The following SASH1 variants were observed in gnomAD, a reference collection of about 807,000 sequenced individuals.
SASH1 encodes SAM and SH3 domain containing 1, also known as SAM and SH3 domain-containing protein 1.
A neutral mutation model predicts 125.2 loss-of-function variants in SASH1; 44 were observed. The ratio of observed to expected loss-of-function variants is 0.35; its 90% CI spans 0.28 to 0.45. The LOEUF (loss-of-function observed/expected upper bound fraction) is 0.45. Ranked by LOEUF, SASH1 falls within the 20% of genes least tolerant of loss-of-function variation. SASH1 has a pLI of 1.00. For synonymous variants in SASH1, 639 were observed against 649.1 expected (o/e 0.98, Z 0.24); for missense variants, 1,426 against 1,614.5 (o/e 0.88, Z 2.00).
intron 1 of SASH1, among the ~76,000 whole-genome samples, chr6:148,334,973 C>CAAAAA (rs71004288): frequency 1.4e-4 from 16 of 115,280 alleles, no homozygotes; most frequent in African/African-American, 2.4e-4. Flanking sequence ...GACTCCATCT[C>CAAAAA]AAAAAAAAAA....
intron 1 of SASH1, among the ~76,000 whole-genome samples, chr6:148,316,557 C>T (rs1219677297): frequency 6.6e-6 from 1 of 152,248 alleles, no homozygotes; most frequent in Non-Finnish European, 1.5e-5. Context: ...GCCCAGAATG[C>T]ATCTATGATT....
At chr6:148,497,311 T>G (rs944437875) in intron 8 of SASH1, among the ~76,000 whole-genome samples, 1 of 152,158 alleles carries the variant, frequency 6.6e-6, no homozygotes, top group East Asian at 1.9e-4. Flanking sequence ...CCATTCCCAG[T>G]CTTTTCTCTG....
At chr6:148,446,130 A>G (rs1241047990) in intron 4 of SASH1, among the ~76,000 whole-genome samples, 1 of 68,216 alleles carries the variant, frequency 1.5e-5, no homozygotes, top group African/African-American at 5.3e-5. Flanking sequence ...TTTTTTTGAG[A>G]CGGAGCCTCA....
intron 16 of SASH1, 110 bp from the exon 17 acceptor site, chr6:148,540,333 C>G (rs1302895743): frequency 1.3e-6 from 1 of 750,078 alleles, no homozygotes; most frequent in East Asian, 2.7e-5. Context: ...ATAAATTGTT[C>G]TCTTCCAAAA....
chr6:148,261,754 G>A, the SASH1 span, among the ~76,000 whole-genome samples: 1 of 152,122 alleles, frequency 6.6e-6, no homozygotes, highest in Admixed American at 6.5e-5. Context: ...AGACAACGGG[G>A]TTAGTGCCAT....
intron 4 of SASH1, among the ~76,000 whole-genome samples, chr6:148,446,700 C>T (rs9386227): frequency 0.85 from 129,738 of 152,188 alleles, 55,739 homozygotes; most frequent in African/African-American, 0.96. Context: ...ATAGGTGATG[C>T]TTATTGAGTT....
At chr6:148,446,115 T>TTTTTC in intron 4 of SASH1, among the ~76,000 whole-genome samples, 5 of 33,978 alleles carry the variant, frequency 1.5e-4, no homozygotes, top group African/African-American at 3.0e-4. Context: ...TTTTTTTTTT[T>TTTTTC]TTTTTTTTTT....
chr6:148,463,314 A>G (rs1014583661), intron 4 of SASH1, among the ~76,000 whole-genome samples: 1 of 151,754 alleles, frequency 6.6e-6, no homozygotes, highest in Non-Finnish European at 1.5e-5. Flanking sequence ...CTGGCTAATT[A>G]TTGTATTTTT....
At chr6:148,419,205 A>G (rs1000100672) in intron 2 of SASH1, among the ~76,000 whole-genome samples, 1 of 152,206 alleles carries the variant, frequency 6.6e-6, no homozygotes, top group Non-Finnish European at 1.5e-5. Context: ...CTTCATAGCA[A>G]CTTTCAAAAC....
chr6:148,299,736 A>T (rs1475022962), intron 1 of SASH1, among the ~76,000 whole-genome samples: 3 of 152,032 alleles, frequency 2.0e-5, no homozygotes, highest in African/African-American at 7.2e-5. Flanking sequence ...TATAAACATA[A>T]GAAGCCTTTA....
rs2294778 is a variant in SASH1 at position 148,487,488 on chromosome 6, G to C, written c.628-126G>C. The C allele has an allele frequency of 0.69, 468,194 of 677,306 alleles. 163,976 individuals are homozygous for C. The highest frequency in any genetic ancestry group is 0.9 in the African/African-American group (49,602 of 55,092). 42.0% of individuals were successfully genotyped at this position (677,306 alleles called of 1,614,324 possible). A position where few individuals can be genotyped will look rare whatever the true frequency, so the allele number is the denominator to read the frequency against. On this transcript the variant is annotated intron_variant, in intron 7 of 19. Transcript: ENST00000367467. The stretch of plus-strand genomic sequence containing the variant: ...GAAGAAGGTACCCAAAGTGATCTCT[G>C]TGCTGCGTGAGCACAAGATTATGAA...
chr6:148,286,199 T>C (rs1217138212), intron 1 of SASH1, among the ~76,000 whole-genome samples: 1 of 151,410 alleles, frequency 6.6e-6, no homozygotes, highest in East Asian at 1.9e-4. Context: ...CTGGGCAACA[T>C]AAAAGACTTT....
intron 1 of SASH1, among the ~76,000 whole-genome samples, chr6:148,382,632 A>G (rs1451184313): frequency 6.6e-6 from 1 of 151,912 alleles, no homozygotes; most frequent in Admixed American, 6.6e-5. Context: ...AGACATTTGG[A>G]GACCTAGAAG....
chr6:148,206,824 C>G, the SASH1 span, among the ~76,000 whole-genome samples: 1 of 151,692 alleles, frequency 6.6e-6, no homozygotes, highest in Non-Finnish European at 1.5e-5. Context: ...CACACACACA[C>G]ACACACAAAT....
chr6:148,281,921 CAAA>C (rs59183034), intron 1 of SASH1, among the ~76,000 whole-genome samples: 2 of 136,926 alleles, frequency 1.5e-5, no homozygotes. Context: ...GACTCCGTCT[CAAA>C]AAAAAAAAAG....
At chr6:148,229,133 C>CAAAAAAAAAAAAAAAA in the SASH1 span, among the ~76,000 whole-genome samples, 1 of 60,970 alleles carries the variant, frequency 1.6e-5, no homozygotes, top group Non-Finnish European at 3.0e-5. Context: ...GACTCCATCT[C>CAAAAAAAAAAAAAAAA]AAAAAAAAAA....
At position 148,343,114 on chromosome 6, in the gene SASH1, A is replaced by AGCCCGG; in HGVS notation, c.52_53insGGCCCG (p.Pro17_Glu18insGlyPro). The AGCCCGG allele has an allele frequency of 6.3e-7, 1 of 1,585,186 alleles. No individual in the cohort carries two copies. Among genetic ancestry groups the AGCCCGG allele is most frequent in the Non-Finnish European group, 8.5e-7 (1 of 1,172,998 alleles). ...GGCCCGGGGCCGGAGCCTGAGCCCG[A>AGCCCGG]GCCCGAGCCGGAGCCCGAGCCCGCG... On this transcript the variant is annotated inframe_insertion, in exon 1 of 20. Transcript: ENST00000367467.
intron 1 of SASH1, among the ~76,000 whole-genome samples, chr6:148,301,014 G>A (rs962468644): frequency 2.6e-5 from 4 of 151,714 alleles, no homozygotes; most frequent in Admixed American, 2.0e-4. Context: ...GAGTGCAGTG[G>A]CACAATCTCA....
intron 1 of SASH1, among the ~76,000 whole-genome samples, chr6:148,364,948 C>G (rs1359710421): frequency 6.6e-6 from 1 of 152,052 alleles, no homozygotes; most frequent in Non-Finnish European, 1.5e-5. Flanking sequence ...CATAGTGAAA[C>G]CCCATCTCTA....
Sources: allele counts gnomAD v4.1 joint callset (sites outside exome capture counted in the v4.1 genomes callset), GRCh38; gene constraint gnomAD v4.1.1; transcripts MANE v1.5; gene names NCBI Gene and HGNC (gene_info 2026-07-23, HGNC 2026-07-21).